EZH1: variants seen among roughly 807,000 people sequenced by gnomAD.
EZH1 encodes enhancer of zeste 1 polycomb repressive complex 2 subunit, also known as histone-lysine N-methyltransferase EZH1.
Under a neutral mutation model 100.5 loss-of-function variants are expected in EZH1, and 33 were observed. The observed-to-expected ratio is 0.33, with a 90% CI of 0.25 to 0.44. The LOEUF (loss-of-function observed/expected upper bound fraction) is 0.44, where lower values mean the gene tolerates loss of function less well. EZH1 is among the 20% of genes least tolerant of loss of function. The pLI is 1.00. For missense variants in EZH1, 475 were observed against 928.4 expected, an observed-to-expected ratio of 0.51 and a Z score of 6.35; for synonymous variants, 272 against 313.8, an observed-to-expected ratio of 0.87 and a Z score of 1.41.
At chr17:42,735,006 G>A (rs1157568782) in intron 1 of EZH1, among the ~76,000 whole-genome samples, 1 of 78,692 alleles carries the variant, frequency 1.3e-5, no homozygotes, top group Admixed American at 1.8e-4. Context: ...AAAAGAAGAG[G>A]AAAGAAAAGA....
intron 1 of EZH1, among the ~76,000 whole-genome samples, chr17:42,735,755 A>G (rs1360386795): frequency 1.3e-5 from 2 of 152,218 alleles, no homozygotes; most frequent in Non-Finnish European, 2.9e-5. Context: ...TGGGAGGTCA[A>G]GGCGGGTGGA....
chr17:42,744,667 G>A (rs1015580907), intron 1 of EZH1, among the ~76,000 whole-genome samples: 1 of 152,050 alleles, frequency 6.6e-6, no homozygotes, highest in African/African-American at 2.4e-5. Flanking sequence ...AGGTGCCACC[G>A]CCCTCCCGCG....
intron 4 of EZH1, 91 bp from the exon 5 acceptor site, chr17:42,724,515 T>C (rs2053778967): frequency 1.3e-6 from 2 of 1,493,648 alleles, no homozygotes; most frequent in Admixed American, 1.8e-5. Flanking sequence ...CTGGGCATAG[T>C]GGCTCATGCC....
At chr17:42,716,300 GT>G (rs1286159957) in intron 10 of EZH1, among the ~76,000 whole-genome samples, 1 of 152,072 alleles carries the variant, frequency 6.6e-6, no homozygotes, top group Non-Finnish European at 1.5e-5. Context: ...GCATCACAAT[GT>G]CTGCAACTTA....
At position 42,702,101 on chromosome 17, in the gene EZH1, T is replaced by C. The variant is rs2053253031; in HGVS notation, c.*431A>G. Reference sequence around the variant, plus strand: ...TCACTTAGCCTGTCCTCTCCAGGTCTTAGGACCACAGAGGTTTGCCTGCAT... The same window carrying C: ...TCACTTAGCCTGTCCTCTCCAGGTCCTAGGACCACAGAGGTTTGCCTGCAT... On this transcript the variant is annotated 3_prime_UTR_variant, in exon 21 of 21. Coordinates refer to ENST00000428826, the MANE Select transcript of EZH1 (RefSeq NM_001991.5). 1 of 161,322 alleles carries C rather than the reference T, an allele frequency of 6.2e-6. No individual in the cohort carries two copies. Among genetic ancestry groups the C allele is most frequent in the Non-Finnish European group, 1.4e-5 (1 of 73,378 alleles). The allele number at this position is 161,322 out of a possible 1,614,324, so 10.0% of individuals were successfully genotyped here. A position where few individuals can be genotyped will look rare whatever the true frequency, so the allele number is the denominator to read the frequency against.
At chr17:42,735,053 G>C (rs2143867284) in intron 1 of EZH1, among the ~76,000 whole-genome samples, 1 of 130,288 alleles carries the variant, frequency 7.7e-6, no homozygotes, top group Middle Eastern at 3.8e-3. Flanking sequence ...GGGAGGGAGG[G>C]AAGGAAACAG....
At chr17:42,720,679 A>G (rs1229409716) in intron 6 of EZH1, among the ~76,000 whole-genome samples, 1 of 152,028 alleles carries the variant, frequency 6.6e-6, no homozygotes, top group African/African-American at 2.4e-5. Context: ...TATTTTTTTT[A>G]GACGGAGTTT....
intron 1 of EZH1, among the ~76,000 whole-genome samples, chr17:42,733,164 C>A (rs1049547038): frequency 4.6e-5 from 7 of 151,830 alleles, no homozygotes; most frequent in African/African-American, 1.7e-4. Context: ...ATGGAGAAAC[C>A]CCGTCTCTAC....
chr17:42,719,295 AT>A, intron 7 of EZH1, 88 bp from the exon 8 acceptor site: 2 of 1,022,892 alleles, frequency 2.0e-6, no homozygotes, highest in South Asian at 1.3e-5. Context: ...TTGTCATAGC[AT>A]TTTGATTACA....
At chr17:42,737,239 G>A (rs2054083129) in intron 1 of EZH1, among the ~76,000 whole-genome samples, 1 of 152,132 alleles carries the variant, frequency 6.6e-6, no homozygotes, top group Admixed American at 6.6e-5. Context: ...ACCCGCCTTG[G>A]CCTCCCAAAG....
intron 10 of EZH1, among the ~76,000 whole-genome samples, chr17:42,715,147 T>C (rs9895635): frequency 0.48 from 66,586 of 138,762 alleles, 16,318 homozygotes; most frequent in South Asian, 0.61. Flanking sequence ...TTATATATTA[T>C]ATATTATAGA....
In EZH1 at chr17:42,703,839, GGAAAAC is replaced by G. The variant is rs1475094323; in HGVS notation, c.2018-25_2018-20del. 1 of 1,586,892 alleles carries G rather than the reference GGAAAAC, an allele frequency of 6.3e-7. No homozygotes were observed. Among genetic ancestry groups the G allele is most frequent in the Non-Finnish European group, 8.7e-7 (1 of 1,156,064 alleles). On this transcript the variant is annotated intron_variant, in intron 18 of 20. Transcript: ENST00000428826. ...ACAAAATCTGTATAAAGTAAATCAAGGAAAACCATAAGCACAGCAGGCAATTCCACA... is the reference window on the plus strand; with the variant it reads ...ACAAAATCTGTATAAAGTAAATCAAGCATAAGCACAGCAGGCAATTCCACA...
chr17:42,735,259 T>C lies in EZH1; in HGVS notation c.-102-4341A>G, dbSNP rs543942685. 4.6e-5 allele frequency among the ~76,000 whole-genome samples: 7 copies of C among 151,872 alleles called. No individual in the cohort carries two copies. The East Asian group carries it at 1.2e-3, about 25-fold the overall frequency. On this transcript the variant is annotated intron_variant, in intron 1 of 20. Coordinates refer to ENST00000428826, the MANE Select transcript of EZH1 (RefSeq NM_001991.5). ...GGCCAACATGGTGAAACCCTGACTC[T>C]ACTAAAAATACAAAATTTAGCAGGC...
At chr17:42,731,264 C>T (rs767586638) in intron 1 of EZH1, among the ~76,000 whole-genome samples, 14 of 151,916 alleles carry the variant, frequency 9.2e-5, no homozygotes, top group African/African-American at 1.5e-4. Flanking sequence ...ACTATAGGCG[C>T]GCACCACCAT....
chr17:42,710,625 G>GTTTT lies in EZH1; in HGVS notation c.1402-689_1402-688insAAAA, dbSNP rs1347789208. 1.1e-4 allele frequency among the ~76,000 whole-genome samples: 13 copies of GTTTT among 121,176 alleles called. 2 individuals are homozygous for GTTTT. Among genetic ancestry groups the GTTTT allele is most frequent in the African/African-American group, 1.2e-4 (4 of 33,646 alleles). 79.5% of individuals were successfully genotyped at this position (121,176 alleles called of 152,430 possible). A position where few individuals can be genotyped will look rare whatever the true frequency, so the allele number is the denominator to read the frequency against. ...CACTTCAGCTCATGGTTCTGTTTTT[G>GTTTT]TTTGTTTTTTTTTTTTTTTTTTAAG... On this transcript the variant is annotated intron_variant, in intron 12 of 20. Transcript: ENST00000428826.
At chr17:42,720,671 T>C (rs930435820) in intron 6 of EZH1, among the ~76,000 whole-genome samples, 1 of 139,094 alleles carries the variant, frequency 7.2e-6, no homozygotes, top group African/African-American at 2.5e-5. Context: ...ATTTTTATTA[T>C]TTTTTTTAGA....
rs750109891 is a variant in EZH1, at chr17:42,713,436, C to T, written c.1024-47G>A. 2.7e-6 allele frequency: 4 copies of T among 1,507,894 alleles called. No individual in the cohort carries two copies. In the East Asian group the frequency reaches 9.5e-5, roughly 36 times the overall value. 93.4% of individuals were successfully genotyped at this position (1,507,894 alleles called of 1,614,324 possible). ...CAGGAAATAGGAACAGGCCCATCAC[C>T]ATATTGATCTCATCATCACAAACTT... On this transcript the variant is annotated intron_variant, in intron 10 of 20. Coordinates refer to ENST00000428826, the MANE Select transcript of EZH1 (RefSeq NM_001991.5).
chr17:42,741,377 C>T (rs972986966), intron 1 of EZH1, among the ~76,000 whole-genome samples: 2 of 152,140 alleles, frequency 1.3e-5, no homozygotes, highest in Admixed American at 6.6e-5. Flanking sequence ...GGGATGCCCA[C>T]GCCCAGCTAA....
intron 10 of EZH1, among the ~76,000 whole-genome samples, chr17:42,716,843 C>T (rs932825492): frequency 4.6e-5 from 7 of 152,118 alleles, no homozygotes; most frequent in African/African-American, 7.2e-5. Context: ...GGATTACAGG[C>T]GTGCGCCACC....
Sources: allele counts gnomAD v4.1 joint callset (sites outside exome capture counted in the v4.1 genomes callset), GRCh38; gene constraint gnomAD v4.1.1; transcripts MANE v1.5; gene names NCBI Gene and HGNC (gene_info 2026-07-23, HGNC 2026-07-21).